The following CRIM1 variants were observed in gnomAD, a reference collection of about 807,000 sequenced individuals.
CRIM1 encodes the protein cysteine rich transmembrane BMP regulator 1, also known as cysteine-rich motor neuron 1 protein.
CRIM1 carries 32 observed loss-of-function variants against 116.4 expected under a neutral mutation model. The ratio of observed to expected loss-of-function variants is 0.27; its 90% CI spans 0.21 to 0.37. The LOEUF is 0.37. Among genes scored for constraint, CRIM1 ranks in the 10% least tolerant of loss-of-function variants. The probability of loss-of-function intolerance (pLI) is 1.00; values close to 1 mark genes in which losing one functional copy is unlikely to be tolerated. For missense variants in CRIM1, 1,331 were observed against 1,354.8 expected, an observed-to-expected ratio of 0.98 and a Z score of 0.28; for synonymous variants, 590 against 509.2, an observed-to-expected ratio of 1.16 and a Z score of -2.13.
At chr2:36,473,362 T>C (rs1356431731) in intron 5 of CRIM1, among the ~76,000 whole-genome samples, 1 of 152,164 alleles carries the variant, frequency 6.6e-6, no homozygotes, top group African/African-American at 2.4e-5. Context: ...TTTTTAAAAA[T>C]AGCTTTAGGA....
At chr2:36,441,548 G>T in intron 3 of CRIM1, 48 bp downstream of exon 3, 1 of 1,591,320 alleles carries the variant, frequency 6.3e-7, no homozygotes, top group Non-Finnish European at 8.5e-7. Context: ...GCATCAGAGG[G>T]TAGCAGATCC....
chr2:36,547,517 T>C (rs1667436583), intron 16 of CRIM1, among the ~76,000 whole-genome samples: 1 of 152,208 alleles, frequency 6.6e-6, no homozygotes, highest in Non-Finnish European at 1.5e-5. Context: ...CTGGCATTTC[T>C]TAGTCATCAG....
chr2:36,437,660 A>C (rs975273136), intron 2 of CRIM1, among the ~76,000 whole-genome samples: 1 of 152,162 alleles, frequency 6.6e-6, no homozygotes, highest in African/African-American at 2.4e-5. Context: ...ACATTCTTAC[A>C]TCCCTTCTAG....
At position 36,442,637 on chromosome 2, in the gene CRIM1, T is replaced by C; in HGVS notation, c.771T>C (p.Thr257=). The C allele has an allele frequency of 6.2e-7, 1 of 1,614,182 alleles. No homozygotes were observed. The highest frequency in any genetic ancestry group is 1.1e-5 in the South Asian group (1 of 91,082). The stretch of plus-strand genomic sequence containing the variant: ...CAGTTTTCGGCGTGGACTGCAGGAC[T>C]GTGGAATGCCCTCCTGTTCAGCAGA... ...CKPVFGVDCR[T]VECPPVQQTA... Residue 257 remains threonine (T), a synonymous_variant, in exon 4 of 17, where the codon ACT becomes ACC. Coordinates refer to ENST00000280527, the MANE Select transcript of CRIM1 (RefSeq NM_016441.3).
intron 12 of CRIM1, 52 bp from the exon 13 acceptor site, chr2:36,522,040 A>G (rs1665428316): frequency 6.7e-7 from 1 of 1,496,122 alleles, no homozygotes; most frequent in Admixed American, 1.7e-5. Context: ...TATGTTGCAT[A>G]GTTGCTGGCC....
intron 13 of CRIM1, among the ~76,000 whole-genome samples, chr2:36,524,293 C>T (rs1193118796): frequency 6.6e-6 from 1 of 152,158 alleles, no homozygotes; most frequent in Non-Finnish European, 1.5e-5. Context: ...GTGCTACTTA[C>T]CTTTTCAAAG....
chr2:36,422,912 C>G (rs1674178453), intron 2 of CRIM1, among the ~76,000 whole-genome samples: 1 of 152,162 alleles, frequency 6.6e-6, no homozygotes, highest in Non-Finnish European at 1.5e-5. Flanking sequence ...ATATGTCACA[C>G]CAAGGACTGG....
In CRIM1 at chr2:36,447,598, G is replaced by C. The variant is rs565538197; in HGVS notation, c.869+4863G>C. Among the ~76,000 whole-genome samples, 3 of 152,312 alleles carry C rather than the reference G, an allele frequency of 2.0e-5. No individual in the cohort carries two copies. In the South Asian group the frequency reaches 6.2e-4, roughly 32 times the overall value. Reference sequence around the variant, plus strand: ...CCTACATGATGTCAGAAGCAGGAGAGGAAGTTGCAAAGCCTTTGGAGACCA... The same window carrying C: ...CCTACATGATGTCAGAAGCAGGAGACGAAGTTGCAAAGCCTTTGGAGACCA... On this transcript the variant is annotated intron_variant, in intron 4 of 16. Coordinates refer to ENST00000280527, the MANE Select transcript of CRIM1 (RefSeq NM_016441.3).
chr2:36,423,111 C>T (rs2124868241), intron 2 of CRIM1, among the ~76,000 whole-genome samples: 1 of 152,232 alleles, frequency 6.6e-6, no homozygotes, highest in South Asian at 2.1e-4. Context: ...ATCAGAGATT[C>T]TTGGGTACTT....
At chr2:36,403,973 A>G (rs1466910404) in intron 2 of CRIM1, among the ~76,000 whole-genome samples, 1 of 152,116 alleles carries the variant, frequency 6.6e-6, no homozygotes, top group Non-Finnish European at 1.5e-5. Flanking sequence ...TGAGTACATA[A>G]ATGATGTGAG....
At chr2:36,524,813 A>AT (rs1324666469) in intron 13 of CRIM1, among the ~76,000 whole-genome samples, 1 of 152,040 alleles carries the variant, frequency 6.6e-6, no homozygotes, top group Non-Finnish European at 1.5e-5. Flanking sequence ...CTTTCTTTTT[A>AT]TTTTTTATTT....
Position 36,517,505 on chromosome 2 carries a change from C to G in CRIM1, c.2169C>G (p.Pro723=). 6.2e-7 allele frequency: 1 copy of G among 1,614,080 alleles called. No individual in the cohort carries two copies. Among genetic ancestry groups the G allele is most frequent in the Non-Finnish European group, 8.5e-7 (1 of 1,179,976 alleles). Reference sequence around the variant, plus strand: ...GCCCACCGCTGCTCTGCCAGAACCCCTCACGCACCCAGGATTCCTGCTGCC... The same window carrying G: ...GCCCACCGCTGCTCTGCCAGAACCCGTCACGCACCCAGGATTCCTGCTGCC... ...EVCPPLLCQN[P]SRTQDSCCPQ... Residue 723 remains proline, a synonymous_variant, in exon 12 of 17, where the codon CCC becomes CCG. Transcript: ENST00000280527.
At chr2:36,452,530 A>G (rs1676812412) in intron 4 of CRIM1, among the ~76,000 whole-genome samples, 1 of 152,182 alleles carries the variant, frequency 6.6e-6, no homozygotes, top group Non-Finnish European at 1.5e-5. Context: ...ATTCCATGTT[A>G]TTATTGGACC....
At chr2:36,410,599 T>A (rs563303313) in intron 2 of CRIM1, among the ~76,000 whole-genome samples, 51 of 152,182 alleles carry the variant, frequency 3.4e-4, no homozygotes, top group African/African-American at 1.2e-3. Context: ...AGAGGAAAAG[T>A]CCTGAAAATA....
At chr2:36,484,413 C>G (rs1679661083) in intron 7 of CRIM1, among the ~76,000 whole-genome samples, 1 of 151,974 alleles carries the variant, frequency 6.6e-6, no homozygotes, top group South Asian at 2.1e-4. Flanking sequence ...GGAGAGGTTG[C>G]CATTTCCATT....
intron 1 of CRIM1, among the ~76,000 whole-genome samples, chr2:36,385,295 G>T (rs1319525453): frequency 1.3e-5 from 2 of 152,196 alleles, no homozygotes; most frequent in African/African-American, 4.8e-5. Flanking sequence ...AAGTTGATTT[G>T]TAAAAGCATT....
intron 1 of CRIM1, among the ~76,000 whole-genome samples, chr2:36,383,009 G>C (rs943201981): frequency 6.6e-6 from 1 of 152,130 alleles, no homozygotes; most frequent in Non-Finnish European, 1.5e-5. Context: ...AGTAATTAGA[G>C]GTATTTCCAC....
At chr2:36,540,572 G>A (rs533099455) in intron 14 of CRIM1, among the ~76,000 whole-genome samples, 3 of 152,318 alleles carry the variant, frequency 2.0e-5, no homozygotes, top group South Asian at 2.1e-4. Context: ...AGTAGCAGTA[G>A]GTAAGGACAG....
intron 2 of CRIM1, among the ~76,000 whole-genome samples, chr2:36,436,233 T>C (rs1024860066): frequency 6.6e-6 from 1 of 152,152 alleles, no homozygotes; most frequent in Non-Finnish European, 1.5e-5. Context: ...TTCCTGATGT[T>C]ATGGTAATTG....
Sources: allele counts gnomAD v4.1 joint callset (sites outside exome capture counted in the v4.1 genomes callset), GRCh38; gene constraint gnomAD v4.1.1; transcripts MANE v1.5; gene names NCBI Gene and HGNC (gene_info 2026-07-23, HGNC 2026-07-21).